SFMBT2: variants seen among roughly 807,000 people sequenced by gnomAD.
SFMBT2 encodes Scm like with four mbt domains 2.
In SFMBT2, 38 loss-of-function variants were observed where a neutral mutation model predicts 110.1. The observed-to-expected ratio is 0.35, with a 90% confidence interval of 0.27 to 0.45. The LOEUF (loss-of-function observed/expected upper bound fraction) is 0.45, where lower values mean the gene tolerates loss of function less well. Ranked by LOEUF, SFMBT2 falls within the 20% of genes least tolerant of loss-of-function variation. The pLI is 1.00. For synonymous variants in SFMBT2, 425 were observed against 425.4 expected (o/e 1.00, Z 0.01); for missense variants, 1,011 against 1,094.9 (o/e 0.92, Z 1.08).
At chr10:7,410,737 TTTTTTTTTCC>T (rs1262255760) in intron 1 of SFMBT2, among the ~76,000 whole-genome samples, 114 bp downstream of exon 1, 1 of 151,112 alleles carries the variant, frequency 6.6e-6, no homozygotes, top group Non-Finnish European at 1.5e-5. Flanking sequence ...CCTTCCTTTT[TTTTTTTTTCC>T]TTTTTTTTCC....
chr10:7,286,668 A>G (rs1296902526), intron 4 of SFMBT2, among the ~76,000 whole-genome samples: 1 of 152,230 alleles, frequency 6.6e-6, no homozygotes, highest in Non-Finnish European at 1.5e-5. Context: ...TAAGGTCTGC[A>G]GAAAGATGTA....
At chr10:7,396,489 T>G (rs1224671053) in intron 1 of SFMBT2, among the ~76,000 whole-genome samples, 1 of 152,178 alleles carries the variant, frequency 6.6e-6, no homozygotes, top group Non-Finnish European at 1.5e-5. Context: ...ATCAGTTTCT[T>G]CCCCAATATT....
chr10:7,326,503 C>T (rs981172968), intron 4 of SFMBT2, among the ~76,000 whole-genome samples: 10 of 152,314 alleles, frequency 6.6e-5, no homozygotes, highest in African/African-American at 1.9e-4. Context: ...TTAATAGCCT[C>T]GGCTCTGTAT....
chr10:7,188,579 G>T, intron 16 of SFMBT2, 45 bp downstream of exon 16: 1 of 1,443,600 alleles, frequency 6.9e-7, no homozygotes, highest in African/African-American at 1.4e-5. Flanking sequence ...GTAGCATGGG[G>T]AAGTATTACA....
intron 16 of SFMBT2, among the ~76,000 whole-genome samples, chr10:7,182,227 G>A (rs1243121669): frequency 6.6e-6 from 1 of 152,060 alleles, no homozygotes; most frequent in African/African-American, 2.4e-5. Flanking sequence ...TAGTAGAGAT[G>A]GTGTTTCACC....
At chr10:7,406,712 G>T (rs1846221360) in intron 1 of SFMBT2, among the ~76,000 whole-genome samples, 1 of 152,252 alleles carries the variant, frequency 6.6e-6, no homozygotes, top group South Asian at 2.1e-4. Flanking sequence ...ACTCTGCGAT[G>T]TATGACTTCC....
chr10:7,348,295 T>C (rs1844183403), intron 4 of SFMBT2: 7 of 1,527,496 alleles, frequency 4.6e-6, no homozygotes, highest in Non-Finnish European at 6.2e-6. Flanking sequence ...TTCTAAGAAA[T>C]ATGTTGAACA....
At chr10:7,365,474 G>A (rs1301025019) in intron 4 of SFMBT2, among the ~76,000 whole-genome samples, 1 of 152,172 alleles carries the variant, frequency 6.6e-6, no homozygotes. Context: ...TGCTAGAGCT[G>A]GTGTACACAG....
chr10:7,167,891 T>C (rs908580743), intron 20 of SFMBT2, among the ~76,000 whole-genome samples: 14 of 152,146 alleles, frequency 9.2e-5, no homozygotes, highest in Non-Finnish European at 1.3e-4. Context: ...AGAAGAGCAA[T>C]AGGGCAGAAC....
intron 2 of SFMBT2, among the ~76,000 whole-genome samples, chr10:7,375,048 G>T (rs574654150): frequency 2.0e-5 from 3 of 152,162 alleles, no homozygotes; most frequent in Non-Finnish European, 4.4e-5. Context: ...CCATGTAAAT[G>T]AACCAGTGGG....
intron 4 of SFMBT2, among the ~76,000 whole-genome samples, chr10:7,358,900 C>T (rs1844617616): frequency 6.6e-6 from 1 of 152,214 alleles, no homozygotes; most frequent in Non-Finnish European, 1.5e-5. Flanking sequence ...ATCTGCATGG[C>T]CCTAGAATGG....
intron 11 of SFMBT2, chr10:7,206,694 C>G (rs771582813): frequency 2.6e-6 from 2 of 774,354 alleles, no homozygotes; most frequent in Non-Finnish European, 3.1e-6. Flanking sequence ...CCATGAAACT[C>G]TGAAAAAGAC....
chr10:7,373,130 C>CT (rs1564463707), intron 2 of SFMBT2, among the ~76,000 whole-genome samples: 1 of 152,214 alleles, frequency 6.6e-6, no homozygotes, highest in East Asian at 1.9e-4. Flanking sequence ...TCCCTCATGA[C>CT]TAGATTAATG....
At chr10:7,304,097 A>T (rs933195528) in intron 4 of SFMBT2, among the ~76,000 whole-genome samples, 2 of 152,278 alleles carry the variant, frequency 1.3e-5, no homozygotes, top group African/African-American at 4.8e-5. Context: ...ACCCAAGCAA[A>T]TCACTCACTG....
At chr10:7,315,498 C>T (rs533821250) in intron 4 of SFMBT2, among the ~76,000 whole-genome samples, 1 of 152,312 alleles carries the variant, frequency 6.6e-6, no homozygotes, top group East Asian at 1.9e-4. Context: ...AACTATTCCA[C>T]CAGTTCCAGT....
chr10:7,327,307 ATCAGGAT>A (rs1392681755), intron 4 of SFMBT2, among the ~76,000 whole-genome samples: 1 of 152,032 alleles, frequency 6.6e-6, no homozygotes, highest in African/African-American at 2.4e-5. Flanking sequence ...CACCACCACC[ATCAGGAT>A]ACAGTTTCAT....
chr10:7,217,482 C>T (rs1374620982), intron 11 of SFMBT2, among the ~76,000 whole-genome samples: 4 of 151,992 alleles, frequency 2.6e-5, no homozygotes, highest in Admixed American at 1.3e-4. Context: ...ATGTAAGTGG[C>T]GCGCATGTAT....
intron 16 of SFMBT2, among the ~76,000 whole-genome samples, chr10:7,183,185 A>C (rs191546801): frequency 9.2e-5 from 14 of 152,354 alleles, no homozygotes; most frequent in African/African-American, 2.9e-4. Context: ...AAGACAAAAA[A>C]GGTGACGGAG....
Position 7,314,546 on chromosome 10 carries a change from T to A in SFMBT2, c.437-28592A>T, listed in dbSNP as rs1303615884. 2.6e-5 allele frequency among the ~76,000 whole-genome samples: 4 copies of A among 152,208 alleles called. No individual in the cohort carries two copies. In the East Asian group the frequency reaches 7.7e-4, roughly 29 times the overall value. On this transcript the variant is annotated intron_variant, in intron 4 of 20. Coordinates refer to ENST00000397167, the MANE Select transcript of SFMBT2 (RefSeq NM_001387889.1). The stretch of plus-strand genomic sequence containing the variant: ...ACACTTGGTGTAAGATGTTGGGTTA[T>A]TATCCCAGCCTTTCTGTGACTATAG...
Sources: gnomAD v4.1 joint callset for allele counts (sites outside exome capture counted in the v4.1 genomes callset) on GRCh38, gnomAD v4.1.1 for gene constraint, MANE v1.5 for transcripts, NCBI Gene and HGNC (gene_info 2026-07-23, HGNC 2026-07-21) for gene names.